Variants in MARCO observed in about 807,000 individuals in gnomAD.
The protein encoded by MARCO is macrophage receptor MARCO.
Under a neutral mutation model 70.0 loss-of-function variants are expected in MARCO, and 72 were observed. That is an observed-to-expected ratio of 1.03 (90% CI 0.85 to 1.25). MARCO has a LOEUF of 1.25. Among genes scored for constraint, MARCO ranks in the 50% most tolerant of loss-of-function variants. The probability of loss-of-function intolerance (pLI) is 0.00; values close to 1 mark genes in which losing one functional copy is unlikely to be tolerated. For missense variants in MARCO, 696 were observed against 659.3 expected (o/e 1.06, Z -0.61); for synonymous variants, 273 against 243.1 (o/e 1.12, Z -1.14).
rs750175924 is a variant in MARCO, at chr2:118,993,278, G to A, written c.1407G>A (p.Arg469=). The A allele has an allele frequency of 8.1e-6, 13 of 1,614,038 alleles. No homozygotes were observed. The Admixed American group carries it at 8.3e-5, about 10-fold the overall frequency. Residue 469 remains arginine, a synonymous_variant, in exon 16 of 17, where the codon AGG becomes AGA. Coordinates refer to ENST00000327097, the MANE Select transcript of MARCO (RefSeq NM_006770.4). The part of the protein sequence containing the change: ...FCRMLGYSKG[R]ALYKVGAGTG... The stretch of plus-strand genomic sequence containing the variant: ...GCATGCTGGGTTACTCCAAAGGAAG[G>A]GCCCTGTACAAAGTGGGAGCTGGTA...
intron 8 of MARCO, 139 bp from the exon 9 acceptor site, chr2:118,981,270 T>C: frequency 1.5e-6 from 1 of 657,318 alleles, no homozygotes; most frequent in Non-Finnish European, 2.7e-6. Context: ...AGCGGTCATA[T>C]CTTCCACTCG....
At chr2:118,970,880 G>C (rs56890947) in intron 3 of MARCO, among the ~76,000 whole-genome samples, 19,509 of 152,248 alleles carry the variant, frequency 0.13, 1,381 homozygotes, top group South Asian at 0.27. Context: ...TGGCTCAACT[G>C]TTGTAGGGTT....
chr2:118,954,188 C>T (rs535940188), intron 1 of MARCO, among the ~76,000 whole-genome samples: 1 of 152,314 alleles, frequency 6.6e-6, no homozygotes, highest in East Asian at 1.9e-4. Context: ...TCAAGGCTGT[C>T]TCCCCCTCCC....
Position 118,984,445 on chromosome 2 carries a change from G to A in MARCO, c.1063+2035G>A, listed in dbSNP as rs184225845. On this transcript the variant is annotated intron_variant, in intron 12 of 16. Coordinates refer to ENST00000327097, the MANE Select transcript of MARCO (RefSeq NM_006770.4). ...TAATTAGGCCTAGTGGTGAGTACCA[G>A]CCAGCAAATTCTAGGGGTTACCCTT... is the stretch of plus-strand genomic sequence containing the variant. Among the ~76,000 whole-genome samples the A allele has an allele frequency of 1.2e-3, 182 of 152,334 alleles. 1 individual carries two copies. The highest frequency in any genetic ancestry group is 0.011 in the Admixed American group (171 of 15,302).
intron 12 of MARCO, among the ~76,000 whole-genome samples, chr2:118,983,810 A>G (rs201345999): frequency 6.6e-6 from 1 of 150,548 alleles, no homozygotes; most frequent in Non-Finnish European, 1.5e-5. Flanking sequence ...CTCTGCCCCC[A>G]CCCCCACTGC....
At chr2:118,943,091 T>C (rs1679535420) in intron 1 of MARCO, among the ~76,000 whole-genome samples, 1 of 152,344 alleles carries the variant, frequency 6.6e-6, no homozygotes, top group East Asian at 1.9e-4. Context: ...AACGTTCTCT[T>C]GGGATCATCT....
At chr2:118,984,025 G>A (rs1045485865) in intron 12 of MARCO, among the ~76,000 whole-genome samples, 2 of 152,150 alleles carry the variant, frequency 1.3e-5, no homozygotes, top group Non-Finnish European at 2.9e-5. Context: ...CACCCAGTGG[G>A]ACAAGCACTC....
At chr2:118,990,220 G>A (rs1680594593) in intron 12 of MARCO, among the ~76,000 whole-genome samples, 1 of 152,166 alleles carries the variant, frequency 6.6e-6, no homozygotes, top group South Asian at 2.1e-4. Flanking sequence ...TAGCAATAAA[G>A]ATAACTTTAT....
chr2:118,985,052 C>A (rs1460153963), intron 12 of MARCO, among the ~76,000 whole-genome samples: 1 of 152,124 alleles, frequency 6.6e-6, no homozygotes, highest in African/African-American at 2.4e-5. Flanking sequence ...TCATTATTAT[C>A]AGTGCCTCTG....
rs1680659532 is a variant in MARCO at position 118,993,312 on chromosome 2, A to T, written c.1429+12A>T. 1 of 1,613,446 alleles carries T rather than the reference A, an allele frequency of 6.2e-7. No individual in the cohort carries two copies. Among genetic ancestry groups the T allele is most frequent in the African/African-American group, 1.3e-5 (1 of 74,904 alleles). On this transcript the variant is annotated intron_variant, in intron 16 of 16. Coordinates refer to ENST00000327097, the MANE Select transcript of MARCO (RefSeq NM_006770.4). Reference sequence around the variant, plus strand: ...CAAAGTGGGAGCTGGTAAGTGAGTCATCAGCCGGGGGCCTCTTCCCCAGAG... The same window carrying T: ...CAAAGTGGGAGCTGGTAAGTGAGTCTTCAGCCGGGGGCCTCTTCCCCAGAG...
intron 1 of MARCO, among the ~76,000 whole-genome samples, chr2:118,951,208 A>G (rs1233224665): frequency 3.3e-5 from 5 of 152,204 alleles, no homozygotes; most frequent in South Asian, 2.1e-4. Flanking sequence ...GGAACCATCT[A>G]TCATCCTGTC....
chr2:118,952,141 G>T (rs929309019), intron 1 of MARCO, among the ~76,000 whole-genome samples: 2 of 152,012 alleles, frequency 1.3e-5, no homozygotes, highest in African/African-American at 4.8e-5. Flanking sequence ...CTTACTACCG[G>T]AGGTTTGTGT....
At chr2:118,962,000 G>A (rs201977323) in intron 1 of MARCO, among the ~76,000 whole-genome samples, 1 of 152,098 alleles carries the variant, frequency 6.6e-6, no homozygotes. Flanking sequence ...GCTTGTTTTT[G>A]TCAGGTTTGT....
chr2:118,957,900 C>T (rs1217628425), intron 1 of MARCO, among the ~76,000 whole-genome samples: 1 of 151,956 alleles, frequency 6.6e-6, no homozygotes, highest in Non-Finnish European at 1.5e-5. Flanking sequence ...AAACAAAAAT[C>T]ACATGATCAT....
intron 16 of MARCO, 145 bp downstream of exon 16, chr2:118,993,445 G>GAGCTTTTT: frequency 1.3e-6 from 1 of 742,730 alleles, no homozygotes; most frequent in Non-Finnish European, 2.2e-6. Context: ...CTGCAGTGCA[G>GAGCTTTTT]GGCTCCAGGT....
chr2:118,953,736 C>T (rs148416953), intron 1 of MARCO, among the ~76,000 whole-genome samples: 8 of 152,196 alleles, frequency 5.3e-5, no homozygotes, highest in Non-Finnish European at 8.8e-5. Flanking sequence ...CCAAATACTG[C>T]GAGTGCCCCA....
At chr2:118,969,343 T>G (rs894798741) in intron 2 of MARCO, 82 bp downstream of exon 2, 16 of 1,060,174 alleles carry the variant, frequency 1.5e-5, no homozygotes, top group Admixed American at 3.6e-5. Flanking sequence ...AGGGCTCAGG[T>G]TGAGTGGAGA....
chr2:118,991,829 G>C lies in MARCO; in HGVS notation c.1161G>C (p.Lys387Asn). 1 of 1,601,254 alleles carries C rather than the reference G, an allele frequency of 6.2e-7. No individual in the cohort carries two copies. Among genetic ancestry groups the C allele is most frequent in the Non-Finnish European group, 8.5e-7 (1 of 1,175,190 alleles). ...EQGSPGLAGP[K>N]GAPGQAGQKG... is the part of the protein sequence containing the mutation. Reference sequence around the variant, plus strand: ...GGAGCCCAGGGCTGGCAGGTCCCAAGGGAGCCCCTGGACAAGCTGGCCAGA... The same window carrying C: ...GGAGCCCAGGGCTGGCAGGTCCCAACGGAGCCCCTGGACAAGCTGGCCAGA... The change falls in exon 14 of 17, where the codon AAG (lysine) becomes AAC (asparagine). Residue 387 changes from lysine to asparagine, a missense_variant. Lys to Asn is a moderately conservative substitution (Grantham distance 94, BLOSUM62 0). Around this residue, in one of 3 missense-constraint regions of MARCO, gnomAD observed 605 missense variants for 537.6 expected, o/e 1.13. Transcript: ENST00000327097.
intron 1 of MARCO, among the ~76,000 whole-genome samples, chr2:118,962,571 C>G (rs958959072): frequency 1.2e-4 from 18 of 152,038 alleles, no homozygotes; most frequent in Admixed American, 5.2e-4. Flanking sequence ...TTGTTTGTTT[C>G]TTTCTTTCTT....
Sources: gnomAD v4.1 joint callset for allele counts (sites outside exome capture counted in the v4.1 genomes callset) on GRCh38, gnomAD v4.1.1 for gene constraint, gnomAD v4.1.1 regional missense constraint, MANE v1.5 for transcripts, NCBI Gene and HGNC (gene_info 2026-07-23, HGNC 2026-07-21) for gene names.